Variants in MAGI2 observed in about 807,000 individuals in gnomAD.
The protein encoded by MAGI2 is membrane-associated guanylate kinase, WW and PDZ domain-containing protein 2.
A neutral mutation model predicts 133.3 loss-of-function variants in MAGI2; 35 were observed. That is an observed-to-expected ratio of 0.26 (90% CI 0.20 to 0.35). The LOEUF is 0.35. MAGI2 is among the 10% of genes least tolerant of loss of function. The pLI, the probability that MAGI2 is intolerant of heterozygous loss-of-function variation, is 1.00. For missense variants in MAGI2, 1,636 were observed against 1,863.4 expected (o/e 0.88, Z 2.25); for synonymous variants, 729 against 710.6 (o/e 1.03, Z -0.41).
intron 1 of MAGI2, among the ~76,000 whole-genome samples, chr7:79,267,338 T>C (rs988996072): frequency 3.3e-5 from 5 of 152,284 alleles, no homozygotes; most frequent in Admixed American, 3.3e-4. Context: ...ACTTAGAGAC[T>C]GGCTCTCTCA....
intron 1 of MAGI2, chr7:79,125,625 T>C: frequency 1.9e-6 from 1 of 515,368 alleles, no homozygotes; most frequent in Non-Finnish European, 3.9e-6. Flanking sequence ...ATTTTGGAGG[T>C]AGTGGAACTA....
intron 21 of MAGI2, among the ~76,000 whole-genome samples, chr7:78,057,357 C>T (rs1241374222): frequency 6.6e-6 from 1 of 152,146 alleles, no homozygotes. Flanking sequence ...ATTCTCCTGC[C>T]TCAGCCTCCC....
intron 15 of MAGI2, among the ~76,000 whole-genome samples, chr7:78,163,940 G>A (rs563692384): frequency 9.9e-5 from 15 of 151,028 alleles, no homozygotes; most frequent in African/African-American, 3.4e-4. Flanking sequence ...GCCAATGTTT[G>A]TAAATAGGGA....
At chr7:78,592,278 G>C (rs888593308) in intron 3 of MAGI2, among the ~76,000 whole-genome samples, 1 of 152,002 alleles carries the variant, frequency 6.6e-6, no homozygotes, top group East Asian at 1.9e-4. Flanking sequence ...ATTTCAGAGC[G>C]CCAGGACCAG....
intron 2 of MAGI2, among the ~76,000 whole-genome samples, chr7:78,965,446 A>C (rs1803227049): frequency 6.6e-6 from 1 of 151,938 alleles, no homozygotes; most frequent in South Asian, 2.1e-4. Flanking sequence ...GTGGAACAGG[A>C]GGAAGAATGA....
chr7:78,098,758 C>T (rs1470222028), intron 20 of MAGI2, among the ~76,000 whole-genome samples: 1 of 152,120 alleles, frequency 6.6e-6, no homozygotes, highest in African/African-American at 2.4e-5. Context: ...CACATCCTTG[C>T]CAATGTTTGG....
chr7:78,172,324 C>A (rs113869868), intron 14 of MAGI2, among the ~76,000 whole-genome samples: 18 of 152,302 alleles, frequency 1.2e-4, no homozygotes, highest in African/African-American at 3.4e-4. Context: ...GCCACTATGG[C>A]GAGCAGATTT....
chr7:78,297,655 A>C (rs993337986), intron 9 of MAGI2, among the ~76,000 whole-genome samples: 3 of 151,884 alleles, frequency 2.0e-5, no homozygotes, highest in African/African-American at 4.8e-5. Flanking sequence ...AGCCATAAAA[A>C]ATGATTAGTT....
At position 78,890,712 on chromosome 7, in the gene MAGI2, G is replaced by C. The variant is rs555406217; in HGVS notation, c.418+116378C>G. Among the ~76,000 whole-genome samples the C allele has an allele frequency of 2.2e-3, 334 of 152,128 alleles. 1 individual carries two copies. The highest frequency in any genetic ancestry group is 3.7e-3 in the Non-Finnish European group (253 of 68,000). ...AAGACACAACATACCAGAATCTCTG[G>C]GACACATTCAAAGCAGTGTGTAGAG... On this transcript the variant is annotated intron_variant, in intron 2 of 21. Coordinates refer to ENST00000354212, the MANE Select transcript of MAGI2 (RefSeq NM_012301.4).
At chr7:78,034,620 C>A (rs763396366) in intron 21 of MAGI2, among the ~76,000 whole-genome samples, 1 of 151,984 alleles carries the variant, frequency 6.6e-6, no homozygotes, top group South Asian at 2.1e-4. Flanking sequence ...CTCTGCCTCC[C>A]GGGTTCAAGC....
At chr7:78,358,020 G>T (rs1792275829) in intron 7 of MAGI2, among the ~76,000 whole-genome samples, 1 of 150,332 alleles carries the variant, frequency 6.7e-6, no homozygotes, top group Admixed American at 6.6e-5. Context: ...AAGAAAAACA[G>T]GTTTCCTTTC....
intron 10 of MAGI2, among the ~76,000 whole-genome samples, chr7:78,230,805 C>A (rs949452811): frequency 6.6e-6 from 1 of 152,190 alleles, no homozygotes; most frequent in East Asian, 1.9e-4. Context: ...ATGTGACTGG[C>A]TGTCTCAGAA....
At chr7:78,521,020 T>G (rs1796449317) in intron 4 of MAGI2, among the ~76,000 whole-genome samples, 1 of 152,122 alleles carries the variant, frequency 6.6e-6, no homozygotes, top group Admixed American at 6.5e-5. Context: ...ATAGCAAGAT[T>G]TCGAAGAATA....
chr7:79,064,772 T>C (rs1240060388), intron 1 of MAGI2, among the ~76,000 whole-genome samples: 1 of 152,102 alleles, frequency 6.6e-6, no homozygotes, highest in African/African-American at 2.4e-5. Context: ...ACTGCACTTC[T>C]GACTTTGTTG....
intron 2 of MAGI2, among the ~76,000 whole-genome samples, chr7:79,006,394 G>A (rs1807452666): frequency 6.6e-6 from 1 of 152,162 alleles, no homozygotes; most frequent in African/African-American, 2.4e-5. Flanking sequence ...ATCAATCTAA[G>A]ATCTAGAACC....
chr7:78,373,695 C>T (rs2151274028), intron 6 of MAGI2, among the ~76,000 whole-genome samples: 1 of 152,048 alleles, frequency 6.6e-6, no homozygotes, highest in East Asian at 1.9e-4. Flanking sequence ...GATCCCATCA[C>T]CCAGGTACTG....
chr7:78,566,510 C>T (rs1800957740), intron 3 of MAGI2, among the ~76,000 whole-genome samples: 1 of 136,832 alleles, frequency 7.3e-6, no homozygotes, highest in African/African-American at 2.7e-5. Flanking sequence ...TGATGAAAGA[C>T]AGGGCTATCA....
chr7:79,180,824 G>T (rs987272717), intron 1 of MAGI2, among the ~76,000 whole-genome samples: 1 of 151,928 alleles, frequency 6.6e-6, no homozygotes, highest in African/African-American at 2.4e-5. Context: ...AGATACAAAG[G>T]GGGTACAGGC....
intron 9 of MAGI2, among the ~76,000 whole-genome samples, chr7:78,314,580 G>A (rs905209919): frequency 2.0e-5 from 3 of 152,274 alleles, no homozygotes; most frequent in Non-Finnish European, 4.4e-5. Context: ...GGCTCTATTA[G>A]TAACAGTTTA....
Sources: allele counts gnomAD v4.1 joint callset (sites outside exome capture counted in the v4.1 genomes callset), GRCh38; gene constraint gnomAD v4.1.1; transcripts MANE v1.5; gene names NCBI Gene and HGNC (gene_info 2026-07-23, HGNC 2026-07-21).